The following SLC35G4 variants were observed in gnomAD, a reference collection of about 807,000 sequenced individuals.
SLC35G4 encodes acyl-malonyl-condensing enzyme 1-like protein 1.
SLC35G4 carries 12 observed loss-of-function variants against 15.8 expected under a neutral mutation model. The observed-to-expected ratio is 0.76, with a 90% CI of 0.49 to 1.23. The LOEUF is 1.23. SLC35G4 is among the 50% of genes most tolerant of loss of function. The pLI, the probability that SLC35G4 is intolerant of heterozygous loss-of-function variation, is 0.00. For synonymous variants in SLC35G4, 177 were observed against 186.5 expected (o/e 0.95, Z 0.41); for missense variants, 390 against 422.1 (o/e 0.92, Z 0.67).
Position 11,609,899 on chromosome 18 carries a change from G to C in SLC35G4, c.304G>C (p.Gly102Arg). The C allele has an allele frequency of 1.9e-6, 3 of 1,613,422 alleles. No homozygotes were observed. Among genetic ancestry groups the C allele is most frequent in the Non-Finnish European group, 2.5e-6 (3 of 1,179,496 alleles). The change falls in exon 1 of 1, where the codon GGC becomes CGC. Residue 102 changes from glycine (G) to arginine (R), a missense_variant. This residue lies in a region of SLC35G4 where 331 missense variants were observed against 241.1 expected (regional missense o/e 1.37). Transcript: ENST00000588001. Reference protein sequence around the residue: ...DPLLGPPDIRGRTCFCALLNV... With the variant: ...DPLLGPPDIRRRTCFCALLNV... ...CCTTCTGGGACCTCCTGACATCCGA[G>C]GCCGCACCTGCTTCTGTGCCCTGCT... is the stretch of plus-strand genomic sequence containing the variant.
rs763237858 is a variant in SLC35G4 at position 11,609,664 on chromosome 18, CA to C, written c.70del (p.Ser24AlafsTer144). 3.5e-5 allele frequency: 56 copies of C among 1,613,748 alleles called. No individual in the cohort carries two copies. The highest frequency in any genetic ancestry group is 4.6e-5 in the Non-Finnish European group (54 of 1,179,888). On this transcript the variant is annotated frameshift_variant, in exon 1 of 1. Transcript: ENST00000588001. LOFTEE classifies it high-confidence loss of function. ...THPSPPSTPPSLHWHQRCQPS... is the reference protein window; with the variant it reads ...THPSPPSTPPXLHWHQRCQPS... Reference sequence around the variant, plus strand: ...ACCCATCGCCGCCCTCCACTCCACCCAGCCTCCACTGGCACCAGCGCTGCCA... The same window carrying C: ...ACCCATCGCCGCCCTCCACTCCACCCGCCTCCACTGGCACCAGCGCTGCCA...
rs2029989240 is a variant in SLC35G4 at position 11,610,323 on chromosome 18, C to T, written c.728C>T (p.Ser243Phe). 6.2e-7 allele frequency: 1 copy of T among 1,602,014 alleles called. No homozygotes were observed. Among genetic ancestry groups the T allele is most frequent in the Non-Finnish European group, 8.5e-7 (1 of 1,173,680 alleles). Residue 243 changes from serine to phenylalanine, a missense_variant, in exon 1 of 1, where the codon TCC (serine) becomes TTC (phenylalanine). Ser to Phe is a radical substitution (Grantham distance 155). Transcript: ENST00000588001. ...GTGCCAGGCCTCTTTGTGCTGCAGT[C>T]CCCCGTGTTGCCCAGTGACCTCCTG... is the stretch of plus-strand genomic sequence containing the variant. ...GSVPGLFVLQ[S>F]PVLPSDLLSW...
Position 11,609,739 on chromosome 18 carries a change from C to T in SLC35G4, c.144C>T (p.Gly48=). The T allele has an allele frequency of 3.1e-6, 5 of 1,613,748 alleles. No homozygotes were observed. The highest frequency in any genetic ancestry group is 1.1e-5 in the South Asian group (1 of 91,066). ...TGCTGGTGGCCCTGCTGGGTGGGGG[C>T]CTGCCTGCTGGCTTCGTGGGCCCCC... ...NGLLVALLGG[G]LPAGFVGPLS... The change falls in exon 1 of 1, where the codon GGC becomes GGT. Residue 48 remains glycine, a synonymous_variant. Transcript: ENST00000588001.
Position 11,610,109 on chromosome 18 carries a change from A to T in SLC35G4, c.514A>T (p.Ile172Phe). The change falls in exon 1 of 1, where the codon ATT becomes TTT. Residue 172 changes from isoleucine to phenylalanine, a missense_variant. By Grantham distance (21) the Ile-to-Phe change is conservative (BLOSUM62 0). Transcript: ENST00000588001. The part of the protein sequence containing the change: ...LLGSILGLII[I>F]VGPGLWTLQE... ...GGGCAGCATCCTAGGACTAATAATC[A>T]TTGTGGGACCTGGACTCTGGACACT... 6.2e-7 allele frequency: 1 copy of T among 1,613,552 alleles called. No homozygotes were observed.
rs571894486 is a variant in SLC35G4 at position 11,609,715 on chromosome 18, G to C, written c.120G>C (p.Leu40=). 7.4e-6 allele frequency: 12 copies of C among 1,613,782 alleles called. No individual in the cohort carries two copies. Among genetic ancestry groups the C allele is most frequent in the African/African-American group, 1.3e-5 (1 of 74,928 alleles). ...RCQPSDATNG[L]LVALLGGGLP... is the part of the protein sequence containing the mutation. ...AGCCCTCTGATGCCACCAATGGCCT[G>C]CTGGTGGCCCTGCTGGGTGGGGGCC... is the stretch of plus-strand genomic sequence containing the variant. Residue 40 remains leucine, a synonymous_variant, in exon 1 of 1, where the codon CTG becomes CTC. Coordinates refer to ENST00000588001, the MANE Select transcript of SLC35G4 (RefSeq NM_001282300.2).
At position 11,609,972 on chromosome 18, in the gene SLC35G4, C is replaced by A. The variant is rs769081794; in HGVS notation, c.377C>A (p.Pro126His). Reference sequence around the variant, plus strand: ...GCCTATAGTGCGGTTCAGGTGGTGCCCACTGGCAATGCTGCCACTGTTCGC... The same window carrying A: ...GCCTATAGTGCGGTTCAGGTGGTGCACACTGGCAATGCTGCCACTGTTCGC... ...GCAYSAVQVV[P>H]TGNAATVRKH... The change falls in exon 1 of 1, where the codon CCC (proline) becomes CAC (histidine). Residue 126 changes from proline (P) to histidine (H), a missense_variant. This residue lies in a region of SLC35G4 where 331 missense variants were observed against 241.1 expected (regional missense o/e 1.37). Coordinates refer to ENST00000588001, the MANE Select transcript of SLC35G4 (RefSeq NM_001282300.2). 1.9e-6 allele frequency: 3 copies of A among 1,613,968 alleles called. No homozygotes were observed. In the South Asian group the frequency reaches 3.3e-5, roughly 18 times the overall value.
chr18:11,610,123 A>G lies in SLC35G4; in HGVS notation c.528A>G (p.Gly176=), dbSNP rs1268004370. ...ILGLIIIVGP[G]LWTLQEGTTG... ...GACTAATAATCATTGTGGGACCTGG[A>G]CTCTGGACACTACAGGAGGGGACCA... is the stretch of plus-strand genomic sequence containing the variant. The change falls in exon 1 of 1, where the codon GGA becomes GGG. Residue 176 remains glycine, a synonymous_variant. Coordinates refer to ENST00000588001, the MANE Select transcript of SLC35G4 (RefSeq NM_001282300.2). 3.1e-6 allele frequency: 5 copies of G among 1,612,748 alleles called. No individual in the cohort carries two copies. The African/African-American group carries it at 6.7e-5, about 22-fold the overall frequency.
Position 11,609,732 on chromosome 18 carries a change from G to T in SLC35G4, c.137G>T (p.Gly46Val). 1 of 1,613,754 alleles carries T rather than the reference G, an allele frequency of 6.2e-7. No individual in the cohort carries two copies. The highest frequency in any genetic ancestry group is 1.3e-5 in the African/African-American group (1 of 75,044). Reference protein sequence around the residue: ...ATNGLLVALLGGGLPAGFVGP... With the variant: ...ATNGLLVALLVGGLPAGFVGP... ...AATGGCCTGCTGGTGGCCCTGCTGG[G>T]TGGGGGCCTGCCTGCTGGCTTCGTG... The change falls in exon 1 of 1, where the codon GGT becomes GTT. Residue 46 changes from glycine (G) to valine (V), a missense_variant. By Grantham distance (109) the Gly-to-Val change is moderately radical. Transcript: ENST00000588001.
chr18:11,610,062 G>T lies in SLC35G4; in HGVS notation c.467G>T (p.Gly156Val). The T allele has an allele frequency of 6.2e-7, 1 of 1,613,980 alleles. No individual in the cohort carries two copies. The highest frequency in any genetic ancestry group is 8.5e-7 in the Non-Finnish European group (1 of 1,179,864). ...TLCLESQVLSGYDWCGLLGSI... is the reference protein window; with the variant it reads ...TLCLESQVLSVYDWCGLLGSI... Reference sequence around the variant, plus strand: ...TGCCTTGAGAGCCAGGTTCTCAGTGGCTACGACTGGTGTGGACTGTTGGGC... The same window carrying T: ...TGCCTTGAGAGCCAGGTTCTCAGTGTCTACGACTGGTGTGGACTGTTGGGC... The change falls in exon 1 of 1, where the codon GGC (glycine) becomes GTC (valine). Residue 156 changes from glycine (G) to valine (V), a missense_variant. By Grantham distance (109) the Gly-to-Val change is moderately radical. Coordinates refer to ENST00000588001, the MANE Select transcript of SLC35G4 (RefSeq NM_001282300.2).
chr18:11,610,191 G>A lies in SLC35G4; in HGVS notation c.596G>A (p.Gly199Glu), dbSNP rs1473767738. The A allele has an allele frequency of 6.2e-7, 1 of 1,611,286 alleles. No individual in the cohort carries two copies. The highest frequency in any genetic ancestry group is 8.5e-7 in the Non-Finnish European group (1 of 1,179,578). ...TGLGYVQAFL[G>E]GLALSLGLLV... ...CTGGGCTATGTGCAGGCTTTCCTGGGAGGACTGGCGCTGTCCCTGGGGCTT... is the reference window on the plus strand; with the variant it reads ...CTGGGCTATGTGCAGGCTTTCCTGGAAGGACTGGCGCTGTCCCTGGGGCTT... Residue 199 changes from glycine to glutamate, a missense_variant, in exon 1 of 1, where the codon GGA (glycine) becomes GAA (glutamate). Gly to Glu is a moderately conservative substitution (Grantham distance 98, BLOSUM62 -2). Around this residue, in one of 2 missense-constraint regions of SLC35G4, gnomAD observed 59 missense variants for 181.0 expected, o/e 0.33. Coordinates refer to ENST00000588001, the MANE Select transcript of SLC35G4 (RefSeq NM_001282300.2).
chr18:11,610,328 G>C lies in SLC35G4; in HGVS notation c.733G>C (p.Val245Leu), dbSNP rs541307037. 8.9e-5 allele frequency: 142 copies of C among 1,602,282 alleles called. No individual in the cohort carries two copies. In the African/African-American group the frequency reaches 1.5e-3, roughly 17 times the overall value. ...VPGLFVLQSP[V>L]LPSDLLSWSC... is the part of the protein sequence containing the mutation. ...AGGCCTCTTTGTGCTGCAGTCCCCC[G>C]TGTTGCCCAGTGACCTCCTGAGTTG... is the stretch of plus-strand genomic sequence containing the variant. Residue 245 changes from valine (V) to leucine (L), a missense_variant, in exon 1 of 1, where the codon GTG becomes CTG. Coordinates refer to ENST00000588001, the MANE Select transcript of SLC35G4 (RefSeq NM_001282300.2).
rs1395627580 is a variant in SLC35G4, at chr18:11,610,531, G to A, written c.936G>A (p.Gly312=). The A allele has an allele frequency of 3.2e-6, 5 of 1,551,822 alleles. No individual in the cohort carries two copies. In the South Asian group the frequency reaches 5.7e-5, roughly 18 times the overall value. The part of the protein sequence containing the change: ...HETVAPSDIM[G]AGVVLGSIAI... Reference sequence around the variant, plus strand: ...CTGTGGCACCTTCTGACATCATGGGGGCAGGGGTTGTGCTGGGCAGCATTG... The same window carrying A: ...CTGTGGCACCTTCTGACATCATGGGAGCAGGGGTTGTGCTGGGCAGCATTG... The change falls in exon 1 of 1, where the codon GGG becomes GGA. Residue 312 remains glycine (G), a synonymous_variant. Coordinates refer to ENST00000588001, the MANE Select transcript of SLC35G4 (RefSeq NM_001282300.2).
Position 11,610,123 on chromosome 18 carries a change from A to T in SLC35G4, c.528A>T (p.Gly176=), listed in dbSNP as rs1268004370. 1.4e-5 allele frequency: 23 copies of T among 1,612,748 alleles called. No individual in the cohort carries two copies. Among genetic ancestry groups the T allele is most frequent in the Non-Finnish European group, 2.5e-6 (3 of 1,179,808 alleles). ...GACTAATAATCATTGTGGGACCTGG[A>T]CTCTGGACACTACAGGAGGGGACCA... ...ILGLIIIVGP[G]LWTLQEGTTG... The change falls in exon 1 of 1, where the codon GGA becomes GGT. Residue 176 remains glycine, a synonymous_variant. Coordinates refer to ENST00000588001, the MANE Select transcript of SLC35G4 (RefSeq NM_001282300.2).
chr18:11,609,635 A>G lies in SLC35G4; in HGVS notation c.40A>G (p.Thr14Ala). 6.2e-7 allele frequency: 1 copy of G among 1,611,698 alleles called. No individual in the cohort carries two copies. Among genetic ancestry groups the G allele is most frequent in the Admixed American group, 1.7e-5 (1 of 59,912 alleles). ...CCCCTACTTCAACCTGCCTGACTCC[A>G]CACACCCATCGCCGCCCTCCACTCC... Reference protein sequence around the residue: ...SHPYFNLPDSTHPSPPSTPPS... With the variant: ...SHPYFNLPDSAHPSPPSTPPS... The change falls in exon 1 of 1, where the codon ACA (threonine) becomes GCA (alanine). Residue 14 changes from threonine to alanine, a missense_variant. Physicochemically the swap from Thr to Ala is moderately conservative, Grantham distance 58. Transcript: ENST00000588001.
At position 11,609,897 on chromosome 18, in the gene SLC35G4, G is replaced by C; in HGVS notation, c.302G>C (p.Arg101Pro). 1 of 1,613,384 alleles carries C rather than the reference G, an allele frequency of 6.2e-7. No homozygotes were observed. The highest frequency in any genetic ancestry group is 8.5e-7 in the Non-Finnish European group (1 of 1,179,490). The change falls in exon 1 of 1, where the codon CGA becomes CCA. Residue 101 changes from arginine to proline, a missense_variant. This residue lies in a region of SLC35G4 where 331 missense variants were observed against 241.1 expected (regional missense o/e 1.37). Transcript: ENST00000588001. ...CCCCTTCTGGGACCTCCTGACATCCGAGGCCGCACCTGCTTCTGTGCCCTG... is the reference window on the plus strand; with the variant it reads ...CCCCTTCTGGGACCTCCTGACATCCCAGGCCGCACCTGCTTCTGTGCCCTG... ...GDPLLGPPDIRGRTCFCALLN... is the reference protein window; with the variant it reads ...GDPLLGPPDIPGRTCFCALLN...
chr18:11,609,995 C>G lies in SLC35G4; in HGVS notation c.400C>G (p.Arg134Gly). ...GCCCACTGGCAATGCTGCCACTGTT[C>G]GCAAACATTCTTCCACCGTCTGCTC... ...VVPTGNAATV[R>G]KHSSTVCSAI... Residue 134 changes from arginine (R) to glycine (G), a missense_variant, in exon 1 of 1, where the codon CGC becomes GGC. By Grantham distance (125) the Arg-to-Gly change is moderately radical. Coordinates refer to ENST00000588001, the MANE Select transcript of SLC35G4 (RefSeq NM_001282300.2). 1.2e-6 allele frequency: 2 copies of G among 1,613,398 alleles called. No individual in the cohort carries two copies. Among genetic ancestry groups the G allele is most frequent in the East Asian group, 2.2e-5 (1 of 44,872 alleles).
rs1258091437 is a variant in SLC35G4, at chr18:11,609,701, G to A, written c.106G>A (p.Ala36Thr). The A allele has an allele frequency of 1.3e-5, 21 of 1,613,828 alleles. No individual in the cohort carries two copies. Among genetic ancestry groups the A allele is most frequent in the Non-Finnish European group, 1.6e-5 (19 of 1,180,004 alleles). Residue 36 changes from alanine to threonine, a missense_variant, in exon 1 of 1, where the codon GCC (alanine) becomes ACC (threonine). Physicochemically the swap from Ala to Thr is moderately conservative, Grantham distance 58. Transcript: ENST00000588001. Reference sequence around the variant, plus strand: ...GCACCAGCGCTGCCAGCCCTCTGATGCCACCAATGGCCTGCTGGTGGCCCT... The same window carrying A: ...GCACCAGCGCTGCCAGCCCTCTGATACCACCAATGGCCTGCTGGTGGCCCT... The part of the protein sequence containing the change: ...HWHQRCQPSD[A>T]TNGLLVALLG...
chr18:11,610,462 G>A lies in SLC35G4; in HGVS notation c.867G>A (p.Glu289=). 2 of 1,547,238 alleles carry A rather than the reference G, an allele frequency of 1.3e-6. No homozygotes were observed. The highest frequency in any genetic ancestry group is 1.1e-5 in the South Asian group (1 of 87,598). ...PALVCAVLHS[E]VVMALILQYF... ...TGGTGTGTGCTGTCCTGCATTCCGA[G>A]GTGGTGATGGCCCTTATACTGCAGT... Residue 289 remains glutamate, a synonymous_variant, in exon 1 of 1, where the codon GAG becomes GAA. Coordinates refer to ENST00000588001, the MANE Select transcript of SLC35G4 (RefSeq NM_001282300.2).
Position 11,609,866 on chromosome 18 carries a change from G to A in SLC35G4, c.271G>A (p.Gly91Ser), listed in dbSNP as rs548096371. 58 of 1,613,228 alleles carry A rather than the reference G, an allele frequency of 3.6e-5. No individual in the cohort carries two copies. Among genetic ancestry groups the A allele is most frequent in the Non-Finnish European group, 4.7e-5 (56 of 1,179,474 alleles). ...TATTGCCCTGCTACTTAAACTGCGT[G>A]GCGACCCCCTTCTGGGACCTCCTGA... Reference protein sequence around the residue: ...LPIALLLKLRGDPLLGPPDIR... With the variant: ...LPIALLLKLRSDPLLGPPDIR... The change falls in exon 1 of 1, where the codon GGC becomes AGC. Residue 91 changes from glycine (G) to serine (S), a missense_variant. Coordinates refer to ENST00000588001, the MANE Select transcript of SLC35G4 (RefSeq NM_001282300.2).
Sources: gnomAD v4.1 joint callset for allele counts on GRCh38, gnomAD v4.1.1 for gene constraint, gnomAD v4.1.1 regional missense constraint, MANE v1.5 for transcripts, NCBI Gene and HGNC (gene_info 2026-07-23, HGNC 2026-07-21) for gene names.